Variants in TP63 observed in about 807,000 individuals in gnomAD.
TP63 encodes the protein tumor protein 63.
Under a neutral mutation model 82.8 loss-of-function variants are expected in TP63, and 17 were observed. The ratio of observed to expected loss-of-function variants is 0.21; its 90% CI spans 0.14 to 0.31. TP63 has a LOEUF of 0.31. TP63 is among the 10% of genes least tolerant of loss of function. TP63 has a pLI of 1.00. For missense variants in TP63, 648 were observed against 895.3 expected (o/e 0.72, Z 3.52); for synonymous variants, 330 against 321.7 (o/e 1.03, Z -0.28).
chr3:189,701,056 C>G (rs959281285), intron 1 of TP63, among the ~76,000 whole-genome samples: 3 of 152,106 alleles, frequency 2.0e-5, no homozygotes, highest in Non-Finnish European at 4.4e-5. Context: ...TTCAAATTTT[C>G]TAAAATGAGA....
intron 4 of TP63, among the ~76,000 whole-genome samples, chr3:189,857,284 G>T (rs1176012641): frequency 6.6e-6 from 1 of 152,088 alleles, no homozygotes; most frequent in Non-Finnish European, 1.5e-5. Context: ...AAATATGCAG[G>T]TAATCTTTTC....
chr3:189,717,202 G>A (rs905953555), intron 1 of TP63, among the ~76,000 whole-genome samples: 7 of 152,078 alleles, frequency 4.6e-5, no homozygotes, highest in South Asian at 2.1e-4. Context: ...CACACACAGT[G>A]TTTGCTGTCC....
At chr3:189,625,761 C>T in the TP63 span, among the ~76,000 whole-genome samples, 1 of 152,116 alleles carries the variant, frequency 6.6e-6, no homozygotes, top group African/African-American at 2.4e-5. Context: ...CTCTCACTCA[C>T]GTGAGCTTTG....
At chr3:189,805,964 G>A (rs1726840796) in intron 3 of TP63, among the ~76,000 whole-genome samples, 1 of 151,846 alleles carries the variant, frequency 6.6e-6, no homozygotes, top group Non-Finnish European at 1.5e-5. Flanking sequence ...CCTGGGGAGA[G>A]GGGCCTTCAC....
At chr3:189,807,976 G>C (rs1380845075) in intron 3 of TP63, among the ~76,000 whole-genome samples, 8 of 152,156 alleles carry the variant, frequency 5.3e-5, no homozygotes, top group African/African-American at 1.9e-4. Flanking sequence ...CACTGGGAAC[G>C]TTTTGCCTAG....
chr3:189,837,432 G>A (rs973089071), intron 4 of TP63, among the ~76,000 whole-genome samples: 1 of 76,470 alleles, frequency 1.3e-5, no homozygotes, highest in African/African-American at 4.4e-5. Flanking sequence ...TCCAATTTCA[G>A]GTTCCAAAAA....
intron 1 of TP63, among the ~76,000 whole-genome samples, chr3:189,720,593 G>A (rs982194418): frequency 7.2e-5 from 11 of 152,092 alleles, no homozygotes; most frequent in African/African-American, 2.7e-4. Flanking sequence ...AATTAGCCGG[G>A]CGTGGTGGCA....
chr3:189,611,202 T>C, the TP63 span, among the ~76,000 whole-genome samples: 3 of 152,230 alleles, frequency 2.0e-5, no homozygotes, highest in Non-Finnish European at 4.4e-5. Context: ...GGTGTCTTTG[T>C]CATGAAACCT....
chr3:189,757,513 C>G (rs1722268032), intron 3 of TP63, among the ~76,000 whole-genome samples: 2 of 152,132 alleles, frequency 1.3e-5, no homozygotes. Flanking sequence ...GTGGCCAGTC[C>G]TCAGTGGAAA....
At chr3:189,616,396 C>T in the TP63 span, among the ~76,000 whole-genome samples, 1 of 152,212 alleles carries the variant, frequency 6.6e-6, no homozygotes, top group Non-Finnish European at 1.5e-5. Context: ...TTCTTTCTAA[C>T]ACCCTCTTAT....
At position 189,658,008 on chromosome 3, in the gene TP63, A is replaced by G. The variant is rs181675387; in HGVS notation, c.62+26431A>G. Among the ~76,000 whole-genome samples, 56 of 152,148 alleles carry G rather than the reference A, an allele frequency of 3.7e-4. No homozygotes were observed. In the East Asian group the frequency reaches 9.5e-3, roughly 26 times the overall value. On this transcript the variant is annotated intron_variant, in intron 1 of 13. Coordinates refer to ENST00000264731, the MANE Select transcript of TP63 (RefSeq NM_003722.5). Reference sequence around the variant, plus strand: ...TTCCTACTACCAGAGCTTCTTGGAAAAGTGGCAATTCTCAAACTAGGGTAA... The same window carrying G: ...TTCCTACTACCAGAGCTTCTTGGAAGAGTGGCAATTCTCAAACTAGGGTAA...
At chr3:189,844,826 T>C (rs1224985128) in intron 4 of TP63, among the ~76,000 whole-genome samples, 1 of 152,166 alleles carries the variant, frequency 6.6e-6, no homozygotes, top group Non-Finnish European at 1.5e-5. Context: ...AAACCCTCCT[T>C]ATCAAAAGTT....
intron 6 of TP63, 49 bp from the exon 7 acceptor site, chr3:189,867,784 C>A: frequency 6.6e-7 from 1 of 1,506,408 alleles, no homozygotes; most frequent in Non-Finnish European, 9.2e-7. Context: ...GAAGGAACAA[C>A]GTCAGTTTAA....
At chr3:189,838,925 T>C (rs1168001479) in intron 4 of TP63, among the ~76,000 whole-genome samples, 1 of 151,590 alleles carries the variant, frequency 6.6e-6, no homozygotes, top group African/African-American at 2.4e-5. Flanking sequence ...CTCATTATTG[T>C]TCACTTGAAA....
At chr3:189,750,458 C>T (rs6444397) in intron 3 of TP63, among the ~76,000 whole-genome samples, 2 of 152,204 alleles carry the variant, frequency 1.3e-5, no homozygotes, top group African/African-American at 4.8e-5. Context: ...TTTCAAAGTA[C>T]ATAAAGGAGA....
intron 4 of TP63, among the ~76,000 whole-genome samples, chr3:189,813,570 C>A (rs1177362474): frequency 6.6e-6 from 1 of 150,482 alleles, no homozygotes; most frequent in Admixed American, 6.7e-5. Flanking sequence ...TCTCTGTGTG[C>A]ATACGCCATG....
chr3:189,618,302 A>G, the TP63 span, among the ~76,000 whole-genome samples: 1 of 152,218 alleles, frequency 6.6e-6, no homozygotes, highest in African/African-American at 2.4e-5. Flanking sequence ...GGCTCAGGTC[A>G]AAGAATCTAA....
At chr3:189,713,451 T>C (rs1484130437) in intron 1 of TP63, among the ~76,000 whole-genome samples, 4 of 152,170 alleles carry the variant, frequency 2.6e-5, no homozygotes, top group East Asian at 1.9e-4. Flanking sequence ...TTCTTTTCAT[T>C]TGAAACGAGT....
At chr3:189,856,374 A>C (rs1169688851) in intron 4 of TP63, among the ~76,000 whole-genome samples, 1 of 151,924 alleles carries the variant, frequency 6.6e-6, no homozygotes, top group Non-Finnish European at 1.5e-5. Context: ...ATATATCAAA[A>C]CTTTGTGGAC....
Sources: gnomAD v4.1 joint callset for allele counts (sites outside exome capture counted in the v4.1 genomes callset) on GRCh38, gnomAD v4.1.1 for gene constraint, MANE v1.5 for transcripts, NCBI Gene and HGNC (gene_info 2026-07-23, HGNC 2026-07-21) for gene names.